Variants in SCGB2B2 observed in about 807,000 individuals in gnomAD.
SCGB2B2 encodes the protein secretoglobin family 2B member 2.
A neutral mutation model predicts 7.6 loss-of-function variants in SCGB2B2; 11 were observed. The ratio of observed to expected loss-of-function variants is 1.45; its 90% CI spans 0.91 to 2.40. SCGB2B2 has a LOEUF of 2.40. SCGB2B2 is among the 30% of genes most tolerant of loss of function. The probability of loss-of-function intolerance (pLI) is 0.00; values close to 1 mark genes in which losing one functional copy is unlikely to be tolerated. For synonymous variants in SCGB2B2, 50 were observed against 48.6 expected (o/e 1.03, Z -0.12); for missense variants, 104 against 115.4 (o/e 0.90, Z 0.45).
At position 34,650,324 on chromosome 19, in the gene SCGB2B2, G is replaced by A. The variant is rs142615862; in HGVS notation, c.-2032+25306C>T. On this transcript the variant is annotated intron_variant, in intron 1 of 3. Coordinates refer to ENST00000601241, the MANE Select transcript of SCGB2B2 (RefSeq NM_001025591.4). ...AGATGAGGATTTCCTGGTGCCCCTT[G>A]GCCAAACCTCCTGCTCACCTGGCTG... is the stretch of plus-strand genomic sequence containing the variant. Among the ~76,000 whole-genome samples, 183 of 151,386 alleles carry A rather than the reference G, an allele frequency of 1.2e-3. 11 individuals carry two copies. Among genetic ancestry groups the A allele is most frequent in the African/African-American group, 4.3e-3 (174 of 40,682 alleles).
chr19:34,658,973 G>A (rs1245265548), intron 1 of SCGB2B2, among the ~76,000 whole-genome samples: 1 of 152,130 alleles, frequency 6.6e-6, no homozygotes, highest in Non-Finnish European at 1.5e-5. Flanking sequence ...TGGGATGCAA[G>A]GCTGGTTCAA....
intron 1 of SCGB2B2, chr19:34,640,678 C>T (rs147695729): frequency 2.0e-5 from 3 of 152,282 alleles, no homozygotes; most frequent in African/African-American, 4.8e-5. Flanking sequence ...AGTACATTCA[C>T]GATGTTGTGC....
intron 1 of SCGB2B2, among the ~76,000 whole-genome samples, chr19:34,657,381 G>C (rs1426355505): frequency 6.6e-6 from 1 of 151,052 alleles, no homozygotes; most frequent in East Asian, 1.9e-4. Context: ...ATGCACATAG[G>C]CTCAAAATAA....
At chr19:34,617,292 C>T (rs1001990388) in intron 1 of SCGB2B2, among the ~76,000 whole-genome samples, 22 of 118,308 alleles carry the variant, frequency 1.9e-4, no homozygotes, top group African/African-American at 5.9e-4. Flanking sequence ...GCCATTTTCA[C>T]GACATTGATT....
At chr19:34,653,529 A>C (rs964917742) in intron 1 of SCGB2B2, among the ~76,000 whole-genome samples, 2 of 151,212 alleles carry the variant, frequency 1.3e-5, no homozygotes, top group African/African-American at 4.9e-5. Context: ...AAAGAAGAAA[A>C]GAAAAAAAGC....
intron 1 of SCGB2B2, among the ~76,000 whole-genome samples, chr19:34,611,024 C>G (rs2065912591): frequency 6.6e-6 from 1 of 151,904 alleles, no homozygotes; most frequent in African/African-American, 2.4e-5. Context: ...TTCAGGAGTT[C>G]TGTTTCTTTT....
At chr19:34,628,519 G>A (rs924799722) in intron 1 of SCGB2B2, among the ~76,000 whole-genome samples, 2 of 151,956 alleles carry the variant, frequency 1.3e-5, no homozygotes, top group Non-Finnish European at 2.9e-5. Context: ...AAATCTAGAA[G>A]AAATGGATAA....
At chr19:34,637,872 A>G (rs765479581) in intron 1 of SCGB2B2, 1 of 152,228 alleles carries the variant, frequency 6.6e-6, no homozygotes, top group African/African-American at 2.4e-5. Flanking sequence ...CTTCAATGGC[A>G]TATCAGTATG....
chr19:34,625,888 C>CAGCCCCTA (rs2066361958), intron 1 of SCGB2B2, among the ~76,000 whole-genome samples: 7 of 152,174 alleles, frequency 4.6e-5, no homozygotes, highest in Admixed American at 3.9e-4. Context: ...CAGTCTGACA[C>CAGCCCCTA]CTCACACAGC....
chr19:34,649,761 G>C (rs1450768565), intron 1 of SCGB2B2, among the ~76,000 whole-genome samples: 1 of 145,200 alleles, frequency 6.9e-6, no homozygotes, highest in African/African-American at 2.9e-5. Context: ...GGCTGAAGCA[G>C]GAGAATCACT....
intron 1 of SCGB2B2, among the ~76,000 whole-genome samples, chr19:34,630,036 G>C: frequency 6.6e-6 from 1 of 151,876 alleles, no homozygotes; most frequent in Admixed American, 6.6e-5. Context: ...TTAATAAATG[G>C]TACTGGGAAA....
chr19:34,666,212 T>C (rs1173292421), intron 1 of SCGB2B2, among the ~76,000 whole-genome samples: 1 of 152,046 alleles, frequency 6.6e-6, no homozygotes, highest in African/African-American at 2.4e-5. Flanking sequence ...AATGTCTCCC[T>C]GTCTCTCTCA....
intron 1 of SCGB2B2, among the ~76,000 whole-genome samples, chr19:34,667,312 C>G (rs559909908): frequency 6.6e-6 from 1 of 152,232 alleles, no homozygotes; most frequent in African/African-American, 2.4e-5. Context: ...CAGCCTCCCA[C>G]CCCTCCCCAC....
chr19:34,631,514 T>G (rs2066534658), intron 1 of SCGB2B2, among the ~76,000 whole-genome samples: 1 of 152,132 alleles, frequency 6.6e-6, no homozygotes, highest in South Asian at 2.1e-4. Context: ...AATTGAAATT[T>G]AAGAGTACTT....
intron 1 of SCGB2B2, among the ~76,000 whole-genome samples, chr19:34,665,043 G>A (rs1342500898): frequency 6.6e-6 from 1 of 152,210 alleles, no homozygotes; most frequent in Non-Finnish European, 1.5e-5. Context: ...CAAGGCTGCA[G>A]CACGGGATGC....
chr19:34,610,999 C>T (rs939239990), intron 1 of SCGB2B2, among the ~76,000 whole-genome samples: 3 of 152,146 alleles, frequency 2.0e-5, no homozygotes, highest in African/African-American at 4.8e-5. Context: ...AATCTCATTA[C>T]TTGCAATTGC....
At chr19:34,620,964 A>G (rs8107309) in intron 1 of SCGB2B2, among the ~76,000 whole-genome samples, 17,132 of 152,210 alleles carry the variant, frequency 0.11, 1,063 homozygotes, top group South Asian at 0.19. Flanking sequence ...ATGAGAATGT[A>G]TACTGGGAAA....
rs574027041 is a variant in SCGB2B2, at chr19:34,635,449, C to T, written c.-2031-38855G>A. On this transcript the variant is annotated intron_variant, in intron 1 of 3. Coordinates refer to ENST00000601241, the MANE Select transcript of SCGB2B2 (RefSeq NM_001025591.4). ...CTGCACCCATAAGGCCTCTCTCCAGCGTGAACTTTCTTGTGTTGAACAAGA... is the reference window on the plus strand; with the variant it reads ...CTGCACCCATAAGGCCTCTCTCCAGTGTGAACTTTCTTGTGTTGAACAAGA... The T allele has an allele frequency of 6.5e-5, 19 of 290,334 alleles. 1 individual carries two copies. Among genetic ancestry groups the T allele is most frequent in the South Asian group, 3.9e-4 (9 of 22,990 alleles). The allele number at this position is 290,334 out of a possible 1,614,324, so 18.0% of individuals were successfully genotyped here. A position where few individuals can be genotyped will look rare whatever the true frequency, so the allele number is the denominator to read the frequency against.
At chr19:34,612,968 C>T (rs958336102) in intron 1 of SCGB2B2, among the ~76,000 whole-genome samples, 3 of 152,144 alleles carry the variant, frequency 2.0e-5, no homozygotes, top group African/African-American at 7.2e-5. Flanking sequence ...ATCCTTTTAT[C>T]ATTATGAATG....
Sources: gnomAD v4.1 joint callset for allele counts (sites outside exome capture counted in the v4.1 genomes callset) on GRCh38, gnomAD v4.1.1 for gene constraint, MANE v1.5 for transcripts, NCBI Gene and HGNC (gene_info 2026-07-23, HGNC 2026-07-21) for gene names.